HGSNAT: variants seen among roughly 807,000 people sequenced by gnomAD.
The protein encoded by HGSNAT is transmembrane protein 76.
A neutral mutation model predicts 85.2 loss-of-function variants in HGSNAT; 59 were observed. That is an observed-to-expected ratio of 0.69 (90% confidence interval 0.56 to 0.86). The LOEUF (loss-of-function observed/expected upper bound fraction) is 0.86. Among genes scored for constraint, HGSNAT ranks in the 40% least tolerant of loss-of-function variants. The probability of loss-of-function intolerance (pLI) is 0.00; values close to 1 mark genes in which losing one functional copy is unlikely to be tolerated. For synonymous variants in HGSNAT, 321 were observed against 304.5 expected, an observed-to-expected ratio of 1.05 and a Z score of -0.56; for missense variants, 756 against 777.1, an observed-to-expected ratio of 0.97 and a Z score of 0.32.
rs2130807297 is a variant in HGSNAT, at chr8:43,192,322, G to A, written c.1269G>A (p.Gly423=). Reference sequence around the variant, plus strand: ...TTCCTAGTGGTTATCTTGGTCCTGGGGGCATTGGAGATTTTGGCAAGTATC... The same window carrying A: ...TTCCTAGTGGTTATCTTGGTCCTGGAGGCATTGGAGATTTTGGCAAGTATC... ...PGCPTGYLGP[G]GIGDFGKYPN... The change falls in exon 13 of 18, where the codon GGG becomes GGA. Residue 423 remains glycine (G), a synonymous_variant. Transcript: ENST00000379644. 6.2e-7 allele frequency: 1 copy of A among 1,608,832 alleles called. No individual in the cohort carries two copies. Among genetic ancestry groups the A allele is most frequent in the Middle Eastern group, 1.8e-4 (1 of 5,474 alleles).
intron 10 of HGSNAT, 103 bp from the exon 11 acceptor site, chr8:43,182,042 A>T: frequency 1.2e-6 from 1 of 844,928 alleles, no homozygotes; most frequent in Non-Finnish European, 2.0e-6. Flanking sequence ...ACTTACTTAG[A>T]TGCAATATAG....
Position 43,158,638 on chromosome 8 carries a change from G to T in HGSNAT, c.298G>T (p.Ala100Ser), listed in dbSNP as rs886122288. 1 of 1,613,740 alleles carries T rather than the reference G, an allele frequency of 6.2e-7. No individual in the cohort carries two copies. The highest frequency in any genetic ancestry group is 1.3e-5 in the African/African-American group (1 of 74,940). The change falls in exon 3 of 18, where the codon GCT (alanine) becomes TCT (serine). Residue 100 changes from alanine to serine, a missense_variant. Ala to Ser is a moderately conservative substitution (Grantham distance 99, BLOSUM62 1). Coordinates refer to ENST00000379644, the MANE Select transcript of HGSNAT (RefSeq NM_152419.3). ...AAAAGCAGGGAAGCCTAGTGCTGCAGCTGCCTCTGTCAGCACCCAGCACGG... is the reference window on the plus strand; with the variant it reads ...AAAAGCAGGGAAGCCTAGTGCTGCATCTGCCTCTGTCAGCACCCAGCACGG... Reference protein sequence around the residue: ...SPKAGKPSAAAASVSTQHGSI... With the variant: ...SPKAGKPSAASASVSTQHGSI...
chr8:43,154,052 C>CT (rs139885145), intron 2 of HGSNAT, among the ~76,000 whole-genome samples: 8,726 of 151,854 alleles, frequency 0.057, 853 homozygotes, highest in African/African-American at 0.2. Context: ...CTTTTCTTTT[C>CT]TTTTTTTTCT....
At chr8:43,190,074 C>T (rs1371811249) in intron 11 of HGSNAT, among the ~76,000 whole-genome samples, 1 of 151,980 alleles carries the variant, frequency 6.6e-6, no homozygotes, top group African/African-American at 2.4e-5. Flanking sequence ...GAGGATAATC[C>T]CCAGGTAGGG....
intron 5 of HGSNAT, among the ~76,000 whole-genome samples, chr8:43,162,671 C>A (rs1803303532): frequency 6.6e-6 from 1 of 151,578 alleles, no homozygotes; most frequent in East Asian, 1.9e-4. Flanking sequence ...CCCACCTTTG[C>A]CTCCTAAGTA....
At position 43,199,570 on chromosome 8, in the gene HGSNAT, T is replaced by C. The variant is rs1804852797; in HGVS notation, c.*1T>C. On this transcript the variant is annotated 3_prime_UTR_variant, in exon 18 of 18. Coordinates refer to ENST00000379644, the MANE Select transcript of HGSNAT (RefSeq NM_152419.3). ...AAAGAAGATTTTTTGGAAAATCTGA[T>C]GGCTCCCACTGAGATGTGCTGCTGG... 1 of 1,532,950 alleles carries C rather than the reference T, an allele frequency of 6.5e-7. No homozygotes were observed. Among genetic ancestry groups the C allele is most frequent in the Non-Finnish European group, 8.8e-7 (1 of 1,138,990 alleles). 95.0% of individuals were successfully genotyped at this position (1,532,950 alleles called of 1,614,324 possible).
At chr8:43,185,261 A>G (rs1331875617) in intron 11 of HGSNAT, among the ~76,000 whole-genome samples, 1 of 152,148 alleles carries the variant, frequency 6.6e-6, no homozygotes, top group African/African-American at 2.4e-5. Flanking sequence ...GATTCTTCCT[A>G]TCCATAAGCA....
intron 7 of HGSNAT, among the ~76,000 whole-genome samples, chr8:43,171,254 A>C (rs1203702866): frequency 1.3e-5 from 2 of 152,208 alleles, no homozygotes; most frequent in Admixed American, 1.3e-4. Context: ...TACATACTGA[A>C]GCCTTCTGAA....
At chr8:43,167,198 T>C (rs1803460687) in intron 5 of HGSNAT, among the ~76,000 whole-genome samples, 1 of 152,194 alleles carries the variant, frequency 6.6e-6, no homozygotes. Flanking sequence ...ATTTAGAATA[T>C]CACATAAATG....
chr8:43,142,918 A>G (rs1050459185), intron 1 of HGSNAT, among the ~76,000 whole-genome samples: 1 of 152,256 alleles, frequency 6.6e-6, no homozygotes, highest in Non-Finnish European at 1.5e-5. Context: ...CACAGTACTT[A>G]TTCCATCTAC....
At chr8:43,177,241 CTT>C (rs879720322) in intron 9 of HGSNAT, among the ~76,000 whole-genome samples, 1 of 146,820 alleles carries the variant, frequency 6.8e-6, no homozygotes, top group Non-Finnish European at 1.5e-5. Flanking sequence ...AGTATTCTAA[CTT>C]TTTTTTTTTT....
At chr8:43,140,644 C>G in intron 1 of HGSNAT, 30 bp downstream of exon 1, 1 of 1,116,878 alleles carries the variant, frequency 9.0e-7, no homozygotes, top group Non-Finnish European at 1.1e-6. Context: ...CGCCGCCCGG[C>G]CGGCTACGAG....
At chr8:43,197,769 T>C in intron 16 of HGSNAT, 27 bp downstream of exon 16, 1 of 1,601,196 alleles carries the variant, frequency 6.2e-7, no homozygotes, top group Non-Finnish European at 8.6e-7. Context: ...CATGATTTTA[T>C]GGATGACTGT....
At chr8:43,184,310 T>C (rs1804233927) in intron 11 of HGSNAT, among the ~76,000 whole-genome samples, 1 of 152,098 alleles carries the variant, frequency 6.6e-6, no homozygotes, top group African/African-American at 2.4e-5. Flanking sequence ...GTTTCCTGAC[T>C]TTTTAATGAT....
At chr8:43,196,061 G>A in intron 14 of HGSNAT, 1 of 240,550 alleles carries the variant, frequency 4.2e-6, no homozygotes, top group Non-Finnish European at 8.3e-6. Flanking sequence ...CAGTGGGGAG[G>A]CTAGGAGTGC....
Position 43,140,600 on chromosome 8 carries a change from C to T in HGSNAT, c.104C>T (p.Ala35Val). The change falls in exon 1 of 18, where the codon GCC (alanine) becomes GTC (valine). Residue 35 changes from alanine to valine, a missense_variant. Ala to Val is a moderately conservative substitution (Grantham distance 64). Transcript: ENST00000379644. ...GGCTCTTCGGGGCGCGATGCCCAGG[C>T]CGCGCCGCCACGAGGTGAGTGCACA... Reference protein sequence around the residue: ...PGGSSGRDAQAAPPRDLDKKR... With the variant: ...PGGSSGRDAQVAPPRDLDKKR... 1 of 1,236,774 alleles carries T rather than the reference C, an allele frequency of 8.1e-7. No individual in the cohort carries two copies. Among genetic ancestry groups the T allele is most frequent in the Non-Finnish European group, 1.0e-6 (1 of 981,480 alleles). 76.6% of individuals were successfully genotyped at this position (1,236,774 alleles called of 1,614,324 possible). A position where few individuals can be genotyped will look rare whatever the true frequency, so the allele number is the denominator to read the frequency against.
In HGSNAT at chr8:43,200,564, G is replaced by GT. The variant is rs1804884836; in HGVS notation, c.*996dup. 6.6e-6 allele frequency: 1 copy of GT among 152,344 alleles called. No individual in the cohort carries two copies. The allele number at this position is 152,344 out of a possible 1,614,324, so 9.4% of individuals were successfully genotyped here. On this transcript the variant is annotated 3_prime_UTR_variant, in exon 18 of 18. Transcript: ENST00000379644. ...AAAACTTTTAAAAACTCTCATTGGA[G>GT]TAAGTCTTTTCAAGATGATCCTCCA...
intron 2 of HGSNAT, among the ~76,000 whole-genome samples, chr8:43,154,995 G>C (rs1803047022): frequency 6.6e-6 from 1 of 152,176 alleles, no homozygotes; most frequent in Non-Finnish European, 1.5e-5. Context: ...GTCTTCTTTT[G>C]AGAAGTGTCT....
chr8:43,143,544 T>TC (rs1248928688), intron 1 of HGSNAT, among the ~76,000 whole-genome samples: 1 of 150,836 alleles, frequency 6.6e-6, no homozygotes, highest in East Asian at 1.9e-4. Context: ...TTTCTTTCTT[T>TC]TTTTTTTTTT....
Sources: gnomAD v4.1 joint callset for allele counts (sites outside exome capture counted in the v4.1 genomes callset) on GRCh38, gnomAD v4.1.1 for gene constraint, MANE v1.5 for transcripts, NCBI Gene and HGNC (gene_info 2026-07-23, HGNC 2026-07-21) for gene names.